The following SLIT3 variants were observed in gnomAD, a reference collection of about 807,000 sequenced individuals.
SLIT3 encodes slit homolog 3 protein.
SLIT3 carries 68 observed loss-of-function variants against 184.0 expected under a neutral mutation model. That is an observed-to-expected ratio of 0.37 (90% CI 0.30 to 0.45). The LOEUF is 0.45. Among genes scored for constraint, SLIT3 ranks in the 20% least tolerant of loss-of-function variants. SLIT3 has a pLI of 1.00. For synonymous variants in SLIT3, 831 were observed against 828.6 expected, an observed-to-expected ratio of 1.00 and a Z score of -0.05; for missense variants, 1,707 against 2,026.0, an observed-to-expected ratio of 0.84 and a Z score of 3.02.
intron 4 of SLIT3, among the ~76,000 whole-genome samples, chr5:169,166,896 C>A (rs1034439918): frequency 2.0e-5 from 3 of 152,130 alleles, no homozygotes; most frequent in Admixed American, 6.5e-5. Flanking sequence ...CCATGCACGG[C>A]GGCTCACGCC....
chr5:168,885,155 C>G (rs111672932), intron 4 of SLIT3, among the ~76,000 whole-genome samples: 1 of 152,182 alleles, frequency 6.6e-6, no homozygotes, highest in South Asian at 2.1e-4. Flanking sequence ...CTAGCTAAAA[C>G]GAAACTTGAC....
intron 4 of SLIT3, among the ~76,000 whole-genome samples, chr5:168,912,742 C>T (rs1761292798): frequency 6.6e-6 from 1 of 152,110 alleles, no homozygotes; most frequent in African/African-American, 2.4e-5. Flanking sequence ...AGGGTTTGCC[C>T]ATGGTCCCTC....
At chr5:169,113,982 A>G (rs1039772813) in intron 4 of SLIT3, among the ~76,000 whole-genome samples, 7 of 152,122 alleles carry the variant, frequency 4.6e-5, no homozygotes. Flanking sequence ...AACTGAATCA[A>G]TCAAGTGAAT....
At chr5:169,196,680 C>A (rs577321839) in intron 3 of SLIT3, among the ~76,000 whole-genome samples, 1 of 152,182 alleles carries the variant, frequency 6.6e-6, no homozygotes, top group African/African-American at 2.4e-5. Flanking sequence ...TGCACCCAGT[C>A]GGTCAGACTC....
intron 19 of SLIT3, 100 bp from the exon 20 acceptor site, chr5:168,748,534 C>A: frequency 8.3e-7 from 1 of 1,201,512 alleles, no homozygotes; most frequent in Non-Finnish European, 1.1e-6. Flanking sequence ...ACAAGTTGTC[C>A]CCTGTCCCCG....
intron 4 of SLIT3, among the ~76,000 whole-genome samples, chr5:168,998,771 C>T (rs1356917005): frequency 6.6e-6 from 1 of 151,818 alleles, no homozygotes; most frequent in East Asian, 1.9e-4. Context: ...AAAGATGTGT[C>T]CTCAAAGTGT....
intron 20 of SLIT3, among the ~76,000 whole-genome samples, chr5:168,740,836 G>A (rs1165570285): frequency 6.6e-6 from 1 of 152,154 alleles, no homozygotes; most frequent in Non-Finnish European, 1.5e-5. Context: ...TTCGTTCCAT[G>A]AGCTTTGGGG....
chr5:168,695,247 C>T (rs1762020422), intron 28 of SLIT3, among the ~76,000 whole-genome samples: 1 of 152,198 alleles, frequency 6.6e-6, no homozygotes, highest in Admixed American at 6.5e-5. Context: ...CTTCCCCCTC[C>T]TCATTTTCTC....
intron 16 of SLIT3, among the ~76,000 whole-genome samples, chr5:168,755,423 TTCTTTCTTTCTTTCTTTCTTTCTTTTTG>T (rs1754892825): frequency 2.7e-5 from 1 of 37,654 alleles, no homozygotes; most frequent in South Asian, 7.8e-4. Context: ...CTTTCTTTCT[TTCTTTCTTTCTTTCTTTCTTTCTTTTTG>T]AGACAGAATT....
At chr5:169,085,295 T>C (rs1759247265) in intron 4 of SLIT3, among the ~76,000 whole-genome samples, 1 of 152,196 alleles carries the variant, frequency 6.6e-6, no homozygotes, top group African/African-American at 2.4e-5. Flanking sequence ...GTCCAATTTC[T>C]TTGTGGAGCA....
intron 3 of SLIT3, among the ~76,000 whole-genome samples, chr5:169,228,907 T>C (rs1319652697): frequency 6.6e-6 from 1 of 152,238 alleles, no homozygotes; most frequent in Non-Finnish European, 1.5e-5. Flanking sequence ...CATGAATTTA[T>C]AGTACATTAT....
intron 4 of SLIT3, among the ~76,000 whole-genome samples, chr5:169,080,921 G>GA (rs915993611): frequency 5.4e-4 from 82 of 150,654 alleles, no homozygotes; most frequent in Non-Finnish European, 7.4e-5. Context: ...AAAGAAAAAA[G>GA]AAAAAAAAAT....
chr5:168,783,559 C>T (rs1472508336), intron 12 of SLIT3, among the ~76,000 whole-genome samples: 4 of 152,166 alleles, frequency 2.6e-5, no homozygotes, highest in Non-Finnish European at 4.4e-5. Context: ...TGCGAGTACC[C>T]ATAATTTGAG....
At chr5:168,757,908 G>A (rs1755009497) in intron 16 of SLIT3, among the ~76,000 whole-genome samples, 1 of 152,150 alleles carries the variant, frequency 6.6e-6, no homozygotes, top group Non-Finnish European at 1.5e-5. Context: ...TTTCTATTAT[G>A]TAAATGATGA....
Position 168,736,693 on chromosome 5 carries a change from T to G in SLIT3, c.2270+11609A>C, listed in dbSNP as rs140592422. 3.7e-3 allele frequency among the ~76,000 whole-genome samples: 568 copies of G among 151,478 alleles called. 2 individuals carry two copies. Among genetic ancestry groups the G allele is most frequent in the African/African-American group, 0.013 (544 of 41,122 alleles). ...GTGCCTGGGCTTGCCTCCTCCCTGC[T>G]GCAATGCAGAGTGCCTGGGCTTGCC... On this transcript the variant is annotated intron_variant, in intron 20 of 35. Coordinates refer to ENST00000519560, the MANE Select transcript of SLIT3 (RefSeq NM_003062.4).
At chr5:169,225,400 G>A (rs913541903) in intron 3 of SLIT3, among the ~76,000 whole-genome samples, 2 of 152,226 alleles carry the variant, frequency 1.3e-5, no homozygotes, top group African/African-American at 4.8e-5. Context: ...CCCTCTCTCA[G>A]TGCTCTGACT....
chr5:168,724,660 C>T (rs916788841), intron 20 of SLIT3, among the ~76,000 whole-genome samples, 176 bp from the exon 21 acceptor site: 1 of 152,178 alleles, frequency 6.6e-6, no homozygotes, highest in African/African-American at 2.4e-5. Flanking sequence ...ATTTGATTAT[C>T]CAATGAATGA....
intron 4 of SLIT3, among the ~76,000 whole-genome samples, chr5:168,980,364 C>T (rs115280302): frequency 1.2e-3 from 181 of 152,208 alleles, no homozygotes; most frequent in Middle Eastern, 0.01. Context: ...AAGGCTGCTT[C>T]CCACAGAAGG....
intron 1 of SLIT3, among the ~76,000 whole-genome samples, chr5:169,255,396 G>T (rs969073691): frequency 6.6e-6 from 1 of 152,118 alleles, no homozygotes; most frequent in African/African-American, 2.4e-5. Context: ...CAGTGAGATG[G>T]ATGATCCTGA....
Sources: gnomAD v4.1 joint callset for allele counts (sites outside exome capture counted in the v4.1 genomes callset) on GRCh38, gnomAD v4.1.1 for gene constraint, MANE v1.5 for transcripts, NCBI Gene and HGNC (gene_info 2026-07-23, HGNC 2026-07-21) for gene names.